The following LRBA variants were observed in gnomAD, a reference collection of about 807,000 sequenced individuals.
LRBA encodes LPS responsive beige-like anchor protein, also known as lipopolysaccharide-responsive and beige-like anchor protein.
Under a neutral mutation model 330.0 loss-of-function variants are expected in LRBA, and 176 were observed. The observed-to-expected ratio is 0.53, with a 90% confidence interval of 0.47 to 0.60. The LOEUF is 0.60. LRBA is among the 20% of genes least tolerant of loss of function. LRBA has a pLI of 0.00. For missense variants in LRBA, 3,259 were observed against 3,444.8 expected (o/e 0.95, Z 1.35); for synonymous variants, 1,230 against 1,193.0 (o/e 1.03, Z -0.64).
chr4:150,870,356 C>T (rs1331247683), intron 20 of LRBA, among the ~76,000 whole-genome samples, 169 bp downstream of exon 20: 2 of 152,104 alleles, frequency 1.3e-5, no homozygotes, highest in East Asian at 1.9e-4. Flanking sequence ...AAGGTTGATT[C>T]GAAGGAATAC....
At chr4:150,410,600 A>C (rs921761334) in intron 47 of LRBA, among the ~76,000 whole-genome samples, 2 of 152,148 alleles carry the variant, frequency 1.3e-5, no homozygotes, top group Non-Finnish European at 2.9e-5. Context: ...TTGCTATATT[A>C]ATGCCACCTC....
chr4:150,997,003 T>C (rs1742726417), intron 2 of LRBA, among the ~76,000 whole-genome samples: 2 of 152,226 alleles, frequency 1.3e-5, no homozygotes, highest in African/African-American at 4.8e-5. Flanking sequence ...TCCATTCTAT[T>C]ATAACTGGAT....
intron 4 of LRBA, among the ~76,000 whole-genome samples, chr4:150,922,879 GT>G (rs1733458686): frequency 6.6e-6 from 1 of 152,108 alleles, no homozygotes; most frequent in Non-Finnish European, 1.5e-5. Flanking sequence ...ATTATCCGCA[GT>G]TTACAGAAGA....
intron 40 of LRBA, among the ~76,000 whole-genome samples, chr4:150,552,692 G>A (rs1766756252): frequency 1.3e-5 from 2 of 152,106 alleles, no homozygotes; most frequent in Non-Finnish European, 2.9e-5. Flanking sequence ...AAAGACACAT[G>A]CACACGTATG....
chr4:150,877,799 A>G (rs1005508714), intron 17 of LRBA, among the ~76,000 whole-genome samples: 1 of 152,220 alleles, frequency 6.6e-6, no homozygotes, highest in Non-Finnish European at 1.5e-5. Flanking sequence ...AAGTCTCAAT[A>G]AATTCAAAAA....
At chr4:150,758,620 A>G (rs1734644941) in intron 35 of LRBA, among the ~76,000 whole-genome samples, 1 of 139,914 alleles carries the variant, frequency 7.1e-6, no homozygotes, top group Non-Finnish European at 1.5e-5. Flanking sequence ...ACTGCCCAGG[A>G]TGGAGTGAAG....
At chr4:150,447,142 T>C (rs1409132367) in intron 44 of LRBA, among the ~76,000 whole-genome samples, 1 of 152,142 alleles carries the variant, frequency 6.6e-6, no homozygotes, top group East Asian at 1.9e-4. Flanking sequence ...CTTTGTTCAG[T>C]TTATAAGTTA....
chr4:150,985,266 A>C (rs1418471058), intron 2 of LRBA, among the ~76,000 whole-genome samples: 2 of 151,634 alleles, frequency 1.3e-5, no homozygotes, highest in Non-Finnish European at 2.9e-5. Flanking sequence ...TCAAAAAAAA[A>C]AAAAAAGCTT....
At chr4:150,542,633 G>A (rs1194286767) in intron 40 of LRBA, among the ~76,000 whole-genome samples, 2 of 152,000 alleles carry the variant, frequency 1.3e-5, no homozygotes, top group African/African-American at 4.8e-5. Flanking sequence ...TGCAGCTAAC[G>A]AGAAGAAATC....
intron 35 of LRBA, among the ~76,000 whole-genome samples, chr4:150,759,656 C>A (rs1560779162): frequency 6.6e-6 from 1 of 151,870 alleles, no homozygotes; most frequent in African/African-American, 2.4e-5. Context: ...CCGTCATTCA[C>A]ATATTATATA....
At chr4:150,422,503 C>G (rs1469078704) in intron 46 of LRBA, 7 of 330,904 alleles carry the variant, frequency 2.1e-5, no homozygotes, top group Non-Finnish European at 5.7e-6. Flanking sequence ...CAACATAACT[C>G]CAGGGAGATG....
chr4:150,376,254 T>A (rs28573941), intron 47 of LRBA, among the ~76,000 whole-genome samples: 9,010 of 152,226 alleles, frequency 0.059, 425 homozygotes, highest in East Asian at 0.17. Flanking sequence ...ACTTTTTTTT[T>A]ATGGCAACTC....
At chr4:150,311,714 A>G (rs1158681269) in intron 51 of LRBA, among the ~76,000 whole-genome samples, 2 of 152,172 alleles carry the variant, frequency 1.3e-5, no homozygotes, top group Non-Finnish European at 2.9e-5. Context: ...TTGGAGGATT[A>G]ATGGGCTAGA....
chr4:150,845,157 A>G (rs908980932), intron 26 of LRBA, among the ~76,000 whole-genome samples: 2 of 152,212 alleles, frequency 1.3e-5, no homozygotes, highest in Admixed American at 6.5e-5. Context: ...GAAATGGAAG[A>G]AAACAGGGAA....
At chr4:150,333,134 AC>A (rs1375405457) in intron 48 of LRBA, among the ~76,000 whole-genome samples, 1 of 152,164 alleles carries the variant, frequency 6.6e-6, no homozygotes, top group Non-Finnish European at 1.5e-5. Flanking sequence ...CTTCAACTTA[AC>A]AAAGACTATT....
chr4:150,410,240 A>C (rs1746782954), intron 47 of LRBA, among the ~76,000 whole-genome samples: 1 of 152,106 alleles, frequency 6.6e-6, no homozygotes, highest in Non-Finnish European at 1.5e-5. Flanking sequence ...ATTATACAAG[A>C]TTGACCTAAT....
chr4:150,832,039 T>A, intron 28 of LRBA, 63 bp from the exon 29 acceptor site: 1 of 983,368 alleles, frequency 1.0e-6, no homozygotes, highest in Non-Finnish European at 1.4e-6. Flanking sequence ...ATATTTTACA[T>A]CACAATGTTT....
chr4:150,835,064 C>A (rs994251950), intron 28 of LRBA, among the ~76,000 whole-genome samples: 100 of 152,246 alleles, frequency 6.6e-4, no homozygotes, highest in African/African-American at 2.3e-3. Flanking sequence ...AATAGGGAAT[C>A]CTTTCCCCAT....
intron 34 of LRBA, among the ~76,000 whole-genome samples, chr4:150,774,622 T>A (rs369645746): frequency 6.6e-6 from 1 of 152,178 alleles, no homozygotes; most frequent in Non-Finnish European, 1.5e-5. Context: ...CATTGAGAAA[T>A]CCATGTAGCT....
Sources: gnomAD v4.1 joint callset for allele counts (sites outside exome capture counted in the v4.1 genomes callset) on GRCh38, gnomAD v4.1.1 for gene constraint, MANE v1.5 for transcripts, NCBI Gene and HGNC (gene_info 2026-07-23, HGNC 2026-07-21) for gene names.